Variants in POU6F2 observed in about 807,000 individuals in gnomAD.
The protein encoded by POU6F2 is POU domain, class 6, transcription factor 2.
Under a neutral mutation model 71.3 loss-of-function variants are expected in POU6F2, and 31 were observed. The ratio of observed to expected loss-of-function variants is 0.43; its 90% CI spans 0.33 to 0.59. The LOEUF is 0.59. Ranked by LOEUF, POU6F2 falls within the 20% of genes least tolerant of loss-of-function variation. The pLI is 0.04. For missense variants in POU6F2, 783 were observed against 856.8 expected, an observed-to-expected ratio of 0.91 and a Z score of 1.07; for synonymous variants, 347 against 355.7, an observed-to-expected ratio of 0.98 and a Z score of 0.27.
intron 8 of POU6F2, among the ~76,000 whole-genome samples, chr7:39,456,529 A>T (rs1294995483): frequency 1.3e-5 from 2 of 152,244 alleles, no homozygotes; most frequent in African/African-American, 4.8e-5. Flanking sequence ...TACAGACAGC[A>T]TCTAATGAAT....
At chr7:39,270,713 C>T (rs892305666) in intron 4 of POU6F2, among the ~76,000 whole-genome samples, 3 of 152,042 alleles carry the variant, frequency 2.0e-5, no homozygotes, top group Non-Finnish European at 2.9e-5. Flanking sequence ...TGGAGGGTCG[C>T]GGAGTCCCCT....
chr7:39,179,661 GCCGGCTCA>G (rs1793401183), intron 2 of POU6F2, among the ~76,000 whole-genome samples: 1 of 152,212 alleles, frequency 6.6e-6, no homozygotes, highest in African/African-American at 2.4e-5. Context: ...TGCAGTTGCC[GCCGGCTCA>G]TAGACCATGC....
At chr7:39,242,389 T>TC (rs1783743909) in intron 4 of POU6F2, among the ~76,000 whole-genome samples, 1 of 151,848 alleles carries the variant, frequency 6.6e-6, no homozygotes, top group South Asian at 2.1e-4. Context: ...TGCTTTTTTT[T>TC]TTTTCTTTTC....
At chr7:39,110,835 CAG>C (rs1363446061) in intron 2 of POU6F2, among the ~76,000 whole-genome samples, 1 of 152,152 alleles carries the variant, frequency 6.6e-6, no homozygotes, top group African/African-American at 2.4e-5. Context: ...AACATTCACA[CAG>C]AATGTTTGTC....
chr7:39,370,259 G>C (rs956288116), intron 5 of POU6F2, among the ~76,000 whole-genome samples: 2 of 152,140 alleles, frequency 1.3e-5, no homozygotes, highest in African/African-American at 4.8e-5. Context: ...TGATGACTTG[G>C]GGTCATTTTT....
chr7:39,009,658 T>C (rs1584495397), intron 1 of POU6F2, among the ~76,000 whole-genome samples: 2 of 152,184 alleles, frequency 1.3e-5, no homozygotes, highest in South Asian at 4.1e-4. Context: ...TGGCTGTGGG[T>C]TTATCATAGA....
chr7:39,152,758 C>T (rs1028990056), intron 2 of POU6F2, among the ~76,000 whole-genome samples: 1 of 152,150 alleles, frequency 6.6e-6, no homozygotes, highest in Non-Finnish European at 1.5e-5. Flanking sequence ...CAGCTATTTG[C>T]TGCAACATTC....
At chr7:39,392,306 C>T (rs1787088866) in intron 5 of POU6F2, among the ~76,000 whole-genome samples, 1 of 152,136 alleles carries the variant, frequency 6.6e-6, no homozygotes, top group Non-Finnish European at 1.5e-5. Context: ...CTGCTCCAGC[C>T]CCCAGAGTTT....
At chr7:39,211,995 C>CTTT (rs1562748830) in intron 4 of POU6F2, among the ~76,000 whole-genome samples, 1,611 of 152,268 alleles carry the variant, frequency 0.011, 20 homozygotes, top group African/African-American at 0.037. Flanking sequence ...TCTCTGTCTC[C>CTTT]ATCATCTTTA....
At position 39,303,799 on chromosome 7, in the gene POU6F2, A is replaced by G. The variant is rs551592927; in HGVS notation, c.599-35843A>G. Among the ~76,000 whole-genome samples, 8 of 152,346 alleles carry G rather than the reference A, an allele frequency of 5.3e-5. No homozygotes were observed. In the East Asian group the frequency reaches 1.3e-3, roughly 26 times the overall value. On this transcript the variant is annotated intron_variant, in intron 4 of 9. Coordinates refer to ENST00000518318, the MANE Select transcript of POU6F2 (RefSeq NM_001370959.1). Reference sequence around the variant, plus strand: ...GAGAGGAAGAAGTTCAATAAATTCTAAGAAATTGTCTTATTAATTCTTCTC... The same window carrying G: ...GAGAGGAAGAAGTTCAATAAATTCTGAGAAATTGTCTTATTAATTCTTCTC...
intron 2 of POU6F2, among the ~76,000 whole-genome samples, chr7:39,202,434 G>A (rs561590172): frequency 1.6e-3 from 239 of 152,272 alleles, no homozygotes; most frequent in African/African-American, 5.0e-3. Flanking sequence ...CCCATGCCTG[G>A]CAAGTATGGG....
chr7:38,990,460 G>A (rs1311611632), intron 1 of POU6F2, among the ~76,000 whole-genome samples: 1 of 152,112 alleles, frequency 6.6e-6, no homozygotes, highest in African/African-American at 2.4e-5. Flanking sequence ...TGTTATGAGT[G>A]TAAGGCCAAA....
At chr7:39,000,129 A>G (rs766215351) in intron 1 of POU6F2, among the ~76,000 whole-genome samples, 2 of 152,192 alleles carry the variant, frequency 1.3e-5, no homozygotes, top group Non-Finnish European at 2.9e-5. Flanking sequence ...GTCAGGGGTC[A>G]GTTAGGGTAA....
intron 4 of POU6F2, among the ~76,000 whole-genome samples, chr7:39,218,623 C>CTA (rs1393744553): frequency 6.6e-6 from 1 of 152,064 alleles, no homozygotes; most frequent in Non-Finnish European, 1.5e-5. Flanking sequence ...TTGCCAGGCA[C>CTA]TATAGTAGGC....
chr7:39,341,601 T>C (rs1478378075), intron 5 of POU6F2, among the ~76,000 whole-genome samples: 1 of 152,224 alleles, frequency 6.6e-6, no homozygotes, highest in African/African-American at 2.4e-5. Context: ...GATGTACCTA[T>C]ATACCATCTA....
intron 2 of POU6F2, among the ~76,000 whole-genome samples, chr7:39,194,558 GCGCTCTGTAAAGTGGA>G (rs1793740948): frequency 1.8e-4 from 1 of 5,692 alleles, no homozygotes; most frequent in African/African-American, 5.3e-3. Context: ...GGACCAATCA[GCGCTCTGTAAAGTGGA>G]CCAATCAGCG....
chr7:39,247,523 C>T (rs1783843101), intron 4 of POU6F2, among the ~76,000 whole-genome samples: 2 of 151,596 alleles, frequency 1.3e-5, no homozygotes, highest in African/African-American at 2.4e-5. Flanking sequence ...AGCAAGCAAA[C>T]AAGTAAGCGG....
At chr7:39,296,769 C>T (rs1784853353) in intron 4 of POU6F2, among the ~76,000 whole-genome samples, 1 of 152,206 alleles carries the variant, frequency 6.6e-6, no homozygotes, top group African/African-American at 2.4e-5. Flanking sequence ...GTGTTTTCCC[C>T]TCTTGACGCT....
intron 2 of POU6F2, among the ~76,000 whole-genome samples, chr7:39,176,618 TAA>T (rs1793336237): frequency 6.6e-6 from 1 of 152,196 alleles, no homozygotes; most frequent in African/African-American, 2.4e-5. Context: ...CTACTGATCA[TAA>T]CTTTTACATC....
Sources: gnomAD v4.1 joint callset for allele counts (sites outside exome capture counted in the v4.1 genomes callset) on GRCh38, gnomAD v4.1.1 for gene constraint, MANE v1.5 for transcripts, NCBI Gene and HGNC (gene_info 2026-07-23, HGNC 2026-07-21) for gene names.